KIF26B: variants seen among roughly 807,000 people sequenced by gnomAD.
KIF26B encodes the protein kinesin family member 26B.
Under a neutral mutation model 151.2 loss-of-function variants are expected in KIF26B, and 63 were observed. The observed-to-expected ratio is 0.42, with a 90% CI of 0.34 to 0.51. The LOEUF is 0.51. Among genes scored for constraint, KIF26B ranks in the 20% least tolerant of loss-of-function variants. The probability of loss-of-function intolerance (pLI) is 0.07; values close to 1 mark genes in which losing one functional copy is unlikely to be tolerated. For missense variants in KIF26B, 2,813 were observed against 2,913.6 expected, an observed-to-expected ratio of 0.97 and a Z score of 0.79; for synonymous variants, 1,357 against 1,262.1, an observed-to-expected ratio of 1.08 and a Z score of -1.59.
At chr1:245,539,313 A>G (rs1477497938) in intron 4 of KIF26B, among the ~76,000 whole-genome samples, 1 of 152,188 alleles carries the variant, frequency 6.6e-6, no homozygotes, top group African/African-American at 2.4e-5. Context: ...GCTATCCCAG[A>G]CCATTGAAGG....
At chr1:245,494,238 G>A (rs760245569) in intron 4 of KIF26B, among the ~76,000 whole-genome samples, 9 of 152,092 alleles carry the variant, frequency 5.9e-5, no homozygotes, top group African/African-American at 1.7e-4. Context: ...CCTGGGAGGC[G>A]GAGGTTACAG....
chr1:245,316,178 C>G (rs1207126915), intron 2 of KIF26B, among the ~76,000 whole-genome samples: 1 of 151,572 alleles, frequency 6.6e-6, no homozygotes, highest in Non-Finnish European at 1.5e-5. Flanking sequence ...TTCTTGTTGC[C>G]CAGGATAGAG....
intron 4 of KIF26B, among the ~76,000 whole-genome samples, chr1:245,513,421 G>A (rs1660881406): frequency 6.6e-6 from 1 of 152,180 alleles, no homozygotes; most frequent in South Asian, 2.1e-4. Flanking sequence ...AAGAGACAGC[G>A]AGAGAGACAG....
rs199613431 is a variant in KIF26B at position 245,419,653 on chromosome 1, G to A, written c.1074G>A (p.Lys358=). The change falls in exon 4 of 15, where the codon AAG becomes AAA. Residue 358 remains lysine, a synonymous_variant. Transcript: ENST00000407071. ...EAVLNRYNAD[K]PSACSVPASQ... Reference sequence around the variant, plus strand: ...TGCTGAACCGCTACAATGCAGACAAGCCTTCCGCCTGCAGTGTCCCAGCCT... The same window carrying A: ...TGCTGAACCGCTACAATGCAGACAAACCTTCCGCCTGCAGTGTCCCAGCCT... 4,352 of 1,613,856 alleles carry A rather than the reference G, an allele frequency of 2.7e-3. 8 individuals carry two copies. The highest frequency in any genetic ancestry group is 3.4e-3 in the Non-Finnish European group (3,978 of 1,179,774).
chr1:245,445,234 C>T (rs966504666), intron 4 of KIF26B, among the ~76,000 whole-genome samples: 6 of 152,290 alleles, frequency 3.9e-5, no homozygotes, highest in South Asian at 2.1e-4. Flanking sequence ...TGAATTATAG[C>T]GCAGCCAGGC....
intron 2 of KIF26B, among the ~76,000 whole-genome samples, chr1:245,325,857 G>C (rs542555600): frequency 1.3e-5 from 2 of 152,164 alleles, no homozygotes; most frequent in Non-Finnish European, 2.9e-5. Flanking sequence ...TATTGTTTGT[G>C]ACGTAGGTTT....
intron 4 of KIF26B, among the ~76,000 whole-genome samples, chr1:245,487,417 G>T (rs1181218789): frequency 2.0e-5 from 3 of 152,166 alleles, no homozygotes; most frequent in Non-Finnish European, 4.4e-5. Context: ...CAGGGCCTAC[G>T]TGCTGGCCAG....
intron 2 of KIF26B, among the ~76,000 whole-genome samples, chr1:245,245,570 C>T (rs551862010): frequency 6.6e-6 from 1 of 152,258 alleles, no homozygotes; most frequent in East Asian, 1.9e-4. Flanking sequence ...GTAGGCAGAT[C>T]ACCTGAAGTC....
chr1:245,559,644 G>A (rs1385030151), intron 5 of KIF26B, among the ~76,000 whole-genome samples: 1 of 152,136 alleles, frequency 6.6e-6, no homozygotes, highest in African/African-American at 2.4e-5. Context: ...GAATTCCTGA[G>A]CTCATGATCC....
At chr1:245,320,108 C>T (rs1321318645) in intron 2 of KIF26B, among the ~76,000 whole-genome samples, 1 of 152,164 alleles carries the variant, frequency 6.6e-6, no homozygotes. Flanking sequence ...ATATTTGTTC[C>T]AGATGAGAGA....
At chr1:245,592,976 G>A (rs183888321) in intron 5 of KIF26B, among the ~76,000 whole-genome samples, 155 of 152,182 alleles carry the variant, frequency 1.0e-3, no homozygotes, top group African/African-American at 2.9e-3. Context: ...GGATTTCCTG[G>A]CATTGGAGTT....
intron 2 of KIF26B, among the ~76,000 whole-genome samples, chr1:245,181,098 T>G (rs1292306865): frequency 1.3e-5 from 2 of 152,222 alleles, no homozygotes; most frequent in African/African-American, 4.8e-5. Flanking sequence ...GCGACCTTTC[T>G]GCATTAAAGT....
At chr1:245,278,952 C>T (rs1489490211) in intron 2 of KIF26B, among the ~76,000 whole-genome samples, 1 of 152,170 alleles carries the variant, frequency 6.6e-6, no homozygotes, top group African/African-American at 2.4e-5. Flanking sequence ...AACAGCTGGA[C>T]ACTAAGCCCA....
Position 245,193,522 on chromosome 1 carries a change from T to C in KIF26B, c.465+36839T>C, listed in dbSNP as rs146299578. ...GCTTTCCTTTTTAAATAACCTTTTT[T>C]CAAAATTTCATATTTTTTTCTCATT... On this transcript the variant is annotated intron_variant, in intron 2 of 14. Coordinates refer to ENST00000407071, the MANE Select transcript of KIF26B (RefSeq NM_018012.4). Among the ~76,000 whole-genome samples, 1,223 of 151,880 alleles carry C rather than the reference T, an allele frequency of 8.1e-3. 8 individuals carry two copies. The highest frequency in any genetic ancestry group is 0.013 in the Non-Finnish European group (902 of 68,020).
At chr1:245,427,195 T>C (rs1479845722) in intron 4 of KIF26B, among the ~76,000 whole-genome samples, 1 of 152,180 alleles carries the variant, frequency 6.6e-6, no homozygotes, top group African/African-American at 2.4e-5. Flanking sequence ...GTGTCTGAGA[T>C]CCAACTCCTA....
At chr1:245,432,812 G>A (rs1658812932) in intron 4 of KIF26B, among the ~76,000 whole-genome samples, 1 of 152,172 alleles carries the variant, frequency 6.6e-6, no homozygotes, top group South Asian at 2.1e-4. Context: ...TTGGCTCATT[G>A]TTGAGGGTAC....
At chr1:245,303,268 G>A (rs1031134117) in intron 2 of KIF26B, among the ~76,000 whole-genome samples, 13 of 141,196 alleles carry the variant, frequency 9.2e-5, no homozygotes, top group Non-Finnish European at 1.8e-4. Flanking sequence ...GCGCGATCTC[G>A]GCTCACTGCA....
At chr1:245,523,171 C>T (rs1332561026) in intron 4 of KIF26B, among the ~76,000 whole-genome samples, 2 of 152,180 alleles carry the variant, frequency 1.3e-5, no homozygotes, top group Non-Finnish European at 2.9e-5. Flanking sequence ...CAGTTGGCTT[C>T]GCATCCTGTA....
intron 9 of KIF26B, among the ~76,000 whole-genome samples, chr1:245,642,192 G>A (rs2043899165): frequency 1.3e-5 from 2 of 152,170 alleles, no homozygotes; most frequent in Non-Finnish European, 2.9e-5. Flanking sequence ...CTACTTCCCA[G>A]CAGGTCTCTG....
Sources: gnomAD v4.1 joint callset for allele counts (sites outside exome capture counted in the v4.1 genomes callset) on GRCh38, gnomAD v4.1.1 for gene constraint, MANE v1.5 for transcripts, NCBI Gene and HGNC (gene_info 2026-07-23, HGNC 2026-07-21) for gene names.